The following SCN4B variants were observed in gnomAD, a reference collection of about 807,000 sequenced individuals.
SCN4B encodes the protein sodium channel regulatory subunit beta-4.
Under a neutral mutation model 19.6 loss-of-function variants are expected in SCN4B, and 20 were observed. The observed-to-expected ratio is 1.02, with a 90% confidence interval of 0.72 to 1.48. SCN4B has a LOEUF of 1.48. SCN4B is among the 40% of genes most tolerant of loss of function. The pLI is 0.00. For missense variants in SCN4B, 271 were observed against 287.5 expected (o/e 0.94, Z 0.42); for synonymous variants, 127 against 122.8 (o/e 1.03, Z -0.22).
chr11:118,137,076 T>C lies in SCN4B; in HGVS notation c.638A>G (p.Asn213Ser). ...VSSSGNDNTE[N>S]GLPGSKAEEK... ...CTCTGCCTTGGAGCCAGGCAAGCCG[T>C]TCTCCGTGTTGTCATTCCCCGAGGA... Residue 213 changes from asparagine (N) to serine (S), a missense_variant, in exon 5 of 5, where the codon AAC becomes AGC. Asn to Ser is a conservative substitution (Grantham distance 46). Transcript: ENST00000324727. 1 of 1,614,114 alleles carries C rather than the reference T, an allele frequency of 6.2e-7. No individual in the cohort carries two copies. Among genetic ancestry groups the C allele is most frequent in the South Asian group, 1.1e-5 (1 of 91,086 alleles).
Position 118,148,466 on chromosome 11 carries a change from G to T in SCN4B, c.62-3237C>A, listed in dbSNP as rs1591438338. On this transcript the variant is annotated intron_variant, in intron 1 of 4. Transcript: ENST00000324727. The surrounding 1 kb of genome is among the most constrained non-coding windows in gnomAD (Gnocchi z 4.0). Reference sequence around the variant, plus strand: ...GAGAGGACTGGTGAGCATGCGCAAGGCAGGCCCCACTCTGCCAGCTGACCT... The same window carrying T: ...GAGAGGACTGGTGAGCATGCGCAAGTCAGGCCCCACTCTGCCAGCTGACCT... Among the ~76,000 whole-genome samples, 1 of 152,224 alleles carries T rather than the reference G, an allele frequency of 6.6e-6. No homozygotes were observed. The highest frequency in any genetic ancestry group is 6.5e-5 in the Admixed American group (1 of 15,284).
In SCN4B at chr11:118,136,340, A is replaced by C. The variant is rs1948005652; in HGVS notation, c.*687T>G. 2.2e-6 allele frequency: 1 copy of C among 453,746 alleles called. No individual in the cohort carries two copies. The highest frequency in any genetic ancestry group is 2.0e-5 in the African/African-American group (1 of 49,902). 28.1% of individuals were successfully genotyped at this position (453,746 alleles called of 1,614,324 possible). On this transcript the variant is annotated 3_prime_UTR_variant, in exon 5 of 5. Transcript: ENST00000324727. ...AGCCCCTCAGTAACCCAGAGAGCAG[A>C]GGAGCAGGCTAGGTGGCCAGGAACC...
chr11:118,147,103 A>C (rs1408085690), intron 1 of SCN4B, among the ~76,000 whole-genome samples: 1 of 152,216 alleles, frequency 6.6e-6, no homozygotes, highest in Non-Finnish European at 1.5e-5. Context: ...CATTTCGAGA[A>C]AGTTCCCAGG....
At chr11:118,139,888 C>CTTTT (rs5795120) in intron 4 of SCN4B, among the ~76,000 whole-genome samples, 4 of 139,740 alleles carry the variant, frequency 2.9e-5, no homozygotes, top group Admixed American at 7.5e-5. Flanking sequence ...TCTAGCATTC[C>CTTTT]TTTTTTTTTT....
chr11:118,134,741 T>G lies in SCN4B; in HGVS notation c.*2286A>C, dbSNP rs763066417. 93 of 454,042 alleles carry G rather than the reference T, an allele frequency of 2.0e-4. No homozygotes were observed. In the Middle Eastern group the frequency reaches 2.1e-3, roughly 10 times the overall value. The allele number at this position is 454,042 out of a possible 1,614,324, so 28.1% of individuals were successfully genotyped here. A position where few individuals can be genotyped will look rare whatever the true frequency, so the allele number is the denominator to read the frequency against. On this transcript the variant is annotated 3_prime_UTR_variant, in exon 5 of 5. Coordinates refer to ENST00000324727, the MANE Select transcript of SCN4B (RefSeq NM_174934.4). ...GGGTTGTAGAGATGGGACACAGAGA[T>G]GAAGACAGGACAGACTTGGAACTAT...
In SCN4B at chr11:118,136,974, A is replaced by C; in HGVS notation, c.*53T>G. ...GTTCTACGGTCGGGGCTCAAGCATC[A>C]GTTTCATCATCAGAAAGGGGGCTCC... On this transcript the variant is annotated 3_prime_UTR_variant, in exon 5 of 5. Coordinates refer to ENST00000324727, the MANE Select transcript of SCN4B (RefSeq NM_174934.4). 1.6e-6 allele frequency: 2 copies of C among 1,231,148 alleles called. No homozygotes were observed. The highest frequency in any genetic ancestry group is 2.4e-6 in the Non-Finnish European group (2 of 833,600). 76.3% of individuals were successfully genotyped at this position (1,231,148 alleles called of 1,614,324 possible). A position where few individuals can be genotyped will look rare whatever the true frequency, so the allele number is the denominator to read the frequency against.
At chr11:118,141,839 A>C (rs1591434846) in intron 3 of SCN4B, 1 of 185,050 alleles carries the variant, frequency 5.4e-6, no homozygotes, top group Non-Finnish European at 1.1e-5. Flanking sequence ...AGGTCATTGA[A>C]CCCTCCTAGC....
chr11:118,148,883 C>CGTGT lies in SCN4B; in HGVS notation c.62-3658_62-3655dup, dbSNP rs377256483. ...GTTAATTCTAGAATGTTAAAGTGTA[C>CGTGT]GTGTGTGTGTGTGTGAGAGTGGGGG... On this transcript the variant is annotated intron_variant, in intron 1 of 4. Coordinates refer to ENST00000324727, the MANE Select transcript of SCN4B (RefSeq NM_174934.4). This position sits in a 1 kb window ranked among gnomAD's most constrained non-coding sequence, Gnocchi z 4.0. 6.6e-6 allele frequency among the ~76,000 whole-genome samples: 1 copy of CGTGT among 151,588 alleles called. No homozygotes were observed. Among genetic ancestry groups the CGTGT allele is most frequent in the Non-Finnish European group, 1.5e-5 (1 of 67,906 alleles).
At chr11:118,146,791 C>G (rs1948182513) in intron 1 of SCN4B, among the ~76,000 whole-genome samples, 1 of 152,174 alleles carries the variant, frequency 6.6e-6, no homozygotes, top group African/African-American at 2.4e-5. Context: ...CACGGCCTGT[C>G]CTATGAGTCA....
In SCN4B at chr11:118,152,205, G is replaced by C. The variant is rs183523233; in HGVS notation, c.61+408C>G. Among the ~76,000 whole-genome samples, 398 of 152,146 alleles carry C rather than the reference G, an allele frequency of 2.6e-3. 2 individuals carry two copies. Among genetic ancestry groups the C allele is most frequent in the African/African-American group, 6.9e-3 (287 of 41,496 alleles). On this transcript the variant is annotated intron_variant, in intron 1 of 4. Coordinates refer to ENST00000324727, the MANE Select transcript of SCN4B (RefSeq NM_174934.4). ...CCTGGGAAACAAGCAAACGGCTCTG[G>C]GCCGGGATGGAAACCACCATTCCAA...
At position 118,134,302 on chromosome 11, in the gene SCN4B, C is replaced by T. The variant is rs759849406; in HGVS notation, c.*2725G>A. On this transcript the variant is annotated 3_prime_UTR_variant, in exon 5 of 5. Transcript: ENST00000324727. ...ATCACTCAGCCCAGCTGCATGTGGC[C>T]AGGTCTCTCAAGATCGACTTTGTAA... is the stretch of plus-strand genomic sequence containing the variant. The T allele has an allele frequency of 1.3e-5, 6 of 454,112 alleles. No homozygotes were observed. Among genetic ancestry groups the T allele is most frequent in the South Asian group, 9.3e-5 (6 of 64,474 alleles). The allele number at this position is 454,112 out of a possible 1,614,324, so 28.1% of individuals were successfully genotyped here.
chr11:118,151,975 C>G (rs45467494), intron 1 of SCN4B, among the ~76,000 whole-genome samples: 1 of 152,192 alleles, frequency 6.6e-6, no homozygotes, highest in Non-Finnish European at 1.5e-5. Context: ...GTCTTCCCTA[C>G]GGAATCTCTT....
intron 4 of SCN4B, among the ~76,000 whole-genome samples, chr11:118,139,071 GC>G (rs1262396630): frequency 2.0e-5 from 3 of 152,062 alleles, no homozygotes; most frequent in East Asian, 1.9e-4. Flanking sequence ...CCAGGGCCCT[GC>G]AAGCCCTCGC....
intron 3 of SCN4B, among the ~76,000 whole-genome samples, chr11:118,142,460 C>T (rs1442665119): frequency 2.0e-5 from 3 of 152,250 alleles, no homozygotes; most frequent in Admixed American, 1.3e-4. Context: ...CCTGCTGGCA[C>T]CCCATCTTTC....
rs1427743655 is a variant in SCN4B, at chr11:118,136,586, C to A, written c.*441G>T. 1 of 454,566 alleles carries A rather than the reference C, an allele frequency of 2.2e-6. No homozygotes were observed. Among genetic ancestry groups the A allele is most frequent in the South Asian group, 1.6e-5 (1 of 64,470 alleles). 28.2% of individuals were successfully genotyped at this position (454,566 alleles called of 1,614,324 possible). ...TCCAGAGGCCTCCAGCCCACTCCCACCTCCAAAGGAAGCCACTTCTTCCTA... is the reference window on the plus strand; with the variant it reads ...TCCAGAGGCCTCCAGCCCACTCCCAACTCCAAAGGAAGCCACTTCTTCCTA... On this transcript the variant is annotated 3_prime_UTR_variant, in exon 5 of 5. Coordinates refer to ENST00000324727, the MANE Select transcript of SCN4B (RefSeq NM_174934.4).
intron 1 of SCN4B, among the ~76,000 whole-genome samples, chr11:118,151,167 C>T (rs1046203263): frequency 1.3e-5 from 2 of 151,774 alleles, no homozygotes; most frequent in African/African-American, 4.9e-5. Context: ...TTTCAGGGCC[C>T]TCTTGGTTGC....
chr11:118,135,394 G>C lies in SCN4B; in HGVS notation c.*1633C>G. 2.2e-6 allele frequency: 1 copy of C among 454,112 alleles called. No individual in the cohort carries two copies. Among genetic ancestry groups the C allele is most frequent in the Non-Finnish European group, 4.4e-6 (1 of 226,792 alleles). 28.1% of individuals were successfully genotyped at this position (454,112 alleles called of 1,614,324 possible). A position where few individuals can be genotyped will look rare whatever the true frequency, so the allele number is the denominator to read the frequency against. On this transcript the variant is annotated 3_prime_UTR_variant, in exon 5 of 5. Transcript: ENST00000324727. Reference sequence around the variant, plus strand: ...GACCCCAAACTCTCTGAAAAAGGGGGCTACTCCTCTCTCATCCCTCCTAGG... The same window carrying C: ...GACCCCAAACTCTCTGAAAAAGGGGCCTACTCCTCTCTCATCCCTCCTAGG...
chr11:118,142,819 T>A (rs1332320828), intron 3 of SCN4B: 1 of 152,194 alleles, frequency 6.6e-6, no homozygotes. Flanking sequence ...ATGCCCGTTC[T>A]CTTCCTTCTG....
In SCN4B at chr11:118,134,958, A is replaced by G. The variant is rs1007783120; in HGVS notation, c.*2069T>C. ...AAATCAGCAGTAGACCCTGGGGAGGAAAGAGAGGATGGTGCCCTTCTTCTC... is the reference window on the plus strand; with the variant it reads ...AAATCAGCAGTAGACCCTGGGGAGGGAAGAGAGGATGGTGCCCTTCTTCTC... On this transcript the variant is annotated 3_prime_UTR_variant, in exon 5 of 5. Transcript: ENST00000324727. The G allele has an allele frequency of 6.6e-6, 3 of 453,740 alleles. No individual in the cohort carries two copies. The highest frequency in any genetic ancestry group is 2.4e-5 in the Admixed American group (1 of 42,504). 28.1% of individuals were successfully genotyped at this position (453,740 alleles called of 1,614,324 possible). A position where few individuals can be genotyped will look rare whatever the true frequency, so the allele number is the denominator to read the frequency against.
Sources: allele counts gnomAD v4.1 joint callset (sites outside exome capture counted in the v4.1 genomes callset), GRCh38; gene constraint gnomAD v4.1.1; non-coding constraint Gnocchi (gnomAD v3.1); transcripts MANE v1.5; gene names NCBI Gene and HGNC (gene_info 2026-07-23, HGNC 2026-07-21).